The following DMD variants were observed in gnomAD, a reference collection of about 807,000 sequenced individuals.
DMD encodes the protein mutant dystrophin.
DMD carries 63 observed loss-of-function variants against 330.1 expected under a neutral mutation model. The ratio of observed to expected loss-of-function variants is 0.19; its 90% CI spans 0.16 to 0.24. The LOEUF (loss-of-function observed/expected upper bound fraction) is 0.24, where lower values mean the gene tolerates loss of function less well. DMD is among the 10% of genes least tolerant of loss of function. The pLI is 1.00. For synonymous variants in DMD, 1,223 were observed against 959.8 expected (o/e 1.27, Z -5.07); for missense variants, 3,344 against 2,684.1 (o/e 1.25, Z -5.43).
rs1221595193 is a variant in DMD at position 31,329,864 on chromosome X, G to A, written c.9164-6206C>T. On this transcript the variant is annotated intron_variant, in intron 61 of 78. Coordinates refer to ENST00000357033, the MANE Select transcript of DMD (RefSeq NM_004006.3). ...CGCGCACCTATAGTCCCAGCTACTC[G>A]GGAGGCTGAGGCAGGAGAATCGCTT... Among the ~76,000 whole-genome samples, 6 of 105,623 alleles carry A rather than the reference G, an allele frequency of 5.7e-5. No individual in the cohort carries two copies. In the South Asian group the frequency reaches 1.3e-3, roughly 23 times the overall value. The allele number at this position is 105,623 out of a possible 115,157, so 91.7% of individuals were successfully genotyped here.
At position 32,380,657 on chromosome X, in the gene DMD, C is replaced by T. The variant is rs1060504680; in HGVS notation, c.4698G>A (p.Leu1566=). ...GAKVTERKQQ[L]EKCLKLSRKM... ...TACGGGACAATTTCAAGCATTTCTC[C>T]AACTGTTGCTTTCTTTCTGTTACCT... The change falls in exon 34 of 79, where the codon TTG becomes TTA. Residue 1566 remains leucine (L), a synonymous_variant. Coordinates refer to ENST00000357033, the MANE Select transcript of DMD (RefSeq NM_004006.3). 4.1e-6 allele frequency: 5 copies of T among 1,207,489 alleles called. No homozygotes were observed. The Admixed American group carries it at 8.7e-5, about 21-fold the overall frequency.
At chrX:31,203,019 C>T (rs1429926495) in intron 67 of DMD, among the ~76,000 whole-genome samples, 1 of 111,560 alleles carries the variant, frequency 9.0e-6, no homozygotes, top group East Asian at 2.8e-4. Flanking sequence ...CGGTGGCTTA[C>T]GCCTGTAATC....
Position 33,156,333 on chromosome X carries a change from T to A in DMD, c.31+54949A>T, listed in dbSNP as rs530913629. Reference sequence around the variant, plus strand: ...ACTAATGTTCAGAAAAGCTGAGGAATGTACTTACATCACTACCGTCACTAC... The same window carrying A: ...ACTAATGTTCAGAAAAGCTGAGGAAAGTACTTACATCACTACCGTCACTAC... On this transcript the variant is annotated intron_variant, in intron 1 of 78. Transcript: ENST00000357033. Among the ~76,000 whole-genome samples the A allele has an allele frequency of 5.3e-5, 6 of 112,604 alleles. No homozygotes were observed. In the South Asian group the frequency reaches 2.2e-3, roughly 41 times the overall value.
At chrX:31,395,786 A>C (rs1215902100) in intron 60 of DMD, among the ~76,000 whole-genome samples, 1 of 111,388 alleles carries the variant, frequency 9.0e-6, no homozygotes, top group African/African-American at 3.3e-5. Flanking sequence ...GAGATAAATA[A>C]AACTCTATTT....
chrX:31,250,974 C>T (rs2049294643), intron 63 of DMD, among the ~76,000 whole-genome samples: 2 of 109,091 alleles, frequency 1.8e-5, no homozygotes, highest in South Asian at 4.1e-4. Context: ...CCCAGCTACT[C>T]GGGAGGCTGA....
chrX:33,017,040 T>G (rs2093817325), intron 2 of DMD, among the ~76,000 whole-genome samples: 1 of 111,861 alleles, frequency 8.9e-6, no homozygotes, highest in Non-Finnish European at 1.9e-5. Context: ...TTCAGTTATC[T>G]CTATATAATA....
chrX:32,288,283 C>T (rs908510700), intron 42 of DMD, among the ~76,000 whole-genome samples: 4 of 111,582 alleles, frequency 3.6e-5, no homozygotes, highest in African/African-American at 1.3e-4. Flanking sequence ...CAGTAAATGG[C>T]AATTACTGAT....
rs756769783 is a variant in DMD, at chrX:31,895,747, T to C, written c.6913-20374A>G. The stretch of plus-strand genomic sequence containing the variant: ...TTCCAAATATCTAATCTGCAGTAGA[T>C]ACTTAGTGGCTGGAATCACCTCTGA... On this transcript the variant is annotated intron_variant, in intron 47 of 78. Coordinates refer to ENST00000357033, the MANE Select transcript of DMD (RefSeq NM_004006.3). Among the ~76,000 whole-genome samples the C allele has an allele frequency of 7.1e-5, 8 of 112,025 alleles. No homozygotes were observed. In the South Asian group the frequency reaches 2.6e-3, roughly 36 times the overall value.
chrX:32,531,282 GGA>G (rs1449943479), intron 17 of DMD, among the ~76,000 whole-genome samples: 1 of 111,495 alleles, frequency 9.0e-6, no homozygotes, highest in Non-Finnish European at 1.9e-5. Flanking sequence ...TCCACAGTTT[GGA>G]GAGTCATGCT....
intron 1 of DMD, among the ~76,000 whole-genome samples, chrX:33,301,844 T>C (rs1282693032): frequency 8.9e-6 from 1 of 111,854 alleles, no homozygotes; most frequent in Admixed American, 9.5e-5. Flanking sequence ...CTCCACCTTT[T>C]AGTACTATCA....
At chrX:32,706,643 G>C (rs1196972906) in intron 7 of DMD, among the ~76,000 whole-genome samples, 1 of 111,648 alleles carries the variant, frequency 9.0e-6, no homozygotes, top group Non-Finnish European at 1.9e-5. Flanking sequence ...GCATAACAGG[G>C]AAAAAAGGAA....
At chrX:31,751,011 G>A (rs1257125655) in intron 51 of DMD, among the ~76,000 whole-genome samples, 1 of 108,869 alleles carries the variant, frequency 9.2e-6, no homozygotes, top group African/African-American at 3.3e-5. Flanking sequence ...ACAAACAAAT[G>A]GAAGAACATT....
intron 7 of DMD, among the ~76,000 whole-genome samples, chrX:32,776,675 ACCCTCCC>A (rs2074183093): frequency 4.9e-5 from 5 of 102,571 alleles, no homozygotes; most frequent in Admixed American, 1.0e-4. Flanking sequence ...TCCCACCAGG[ACCCTCCC>A]TCTACACGTG....
intron 1 of DMD, among the ~76,000 whole-genome samples, chrX:33,235,840 A>C (rs1052124391): frequency 1.8e-5 from 2 of 110,239 alleles, no homozygotes; most frequent in African/African-American, 6.6e-5. Context: ...TCTAATTCAT[A>C]GTGAGGAAGA....
chrX:32,405,412 G>C (rs2098112077), intron 30 of DMD, among the ~76,000 whole-genome samples: 1 of 111,815 alleles, frequency 8.9e-6, no homozygotes, highest in South Asian at 3.7e-4. Context: ...AACACGCATA[G>C]GTTGTTACAT....
At chrX:31,474,622 C>T (rs2067588992) in intron 59 of DMD, among the ~76,000 whole-genome samples, 1 of 105,617 alleles carries the variant, frequency 9.5e-6, no homozygotes, top group Admixed American at 1.0e-4. Flanking sequence ...AGGCGGAGAA[C>T]TGCTTGAGCC....
intron 37 of DMD, among the ~76,000 whole-genome samples, chrX:32,361,090 C>T (rs2097831957): frequency 1.8e-5 from 2 of 110,469 alleles, no homozygotes; most frequent in African/African-American, 6.6e-5. Context: ...AAAGATAATA[C>T]CTTATTTTCT....
chrX:32,331,880 T>C (rs988592298), intron 41 of DMD, among the ~76,000 whole-genome samples: 1 of 111,827 alleles, frequency 8.9e-6, no homozygotes, highest in Non-Finnish European at 1.9e-5. Flanking sequence ...GTAATTAACA[T>C]CTTATTTTAT....
chrX:31,489,024 C>T (rs1307973348), intron 57 of DMD, among the ~76,000 whole-genome samples: 1 of 112,241 alleles, frequency 8.9e-6, no homozygotes, highest in African/African-American at 3.2e-5. Context: ...GCTCATCTTG[C>T]TATTTCTACA....
Sources: allele counts gnomAD v4.1 joint callset (sites outside exome capture counted in the v4.1 genomes callset), GRCh38; gene constraint gnomAD v4.1.1; transcripts MANE v1.5; gene names NCBI Gene and HGNC (gene_info 2026-07-23, HGNC 2026-07-21).